The following EPB41 variants were observed in gnomAD, a reference collection of about 807,000 sequenced individuals.
The protein encoded by EPB41 is erythrocyte membrane protein band 4.1, also known as protein 4.1.
In EPB41, 65 loss-of-function variants were observed where a neutral mutation model predicts 108.0. That is an observed-to-expected ratio of 0.60 (90% confidence interval 0.49 to 0.74). The LOEUF is 0.74. Ranked by LOEUF, EPB41 falls within the 30% of genes least tolerant of loss-of-function variation. The pLI is 0.00. For synonymous variants in EPB41, 336 were observed against 358.9 expected (o/e 0.94, Z 0.72); for missense variants, 875 against 1,037.0 (o/e 0.84, Z 2.15).
intron 16 of EPB41, among the ~76,000 whole-genome samples, chr1:29,081,601 C>A (rs1023679978): frequency 1.3e-5 from 2 of 152,140 alleles, no homozygotes; most frequent in African/African-American, 4.8e-5. Context: ...TTTGGGAGGC[C>A]GAACTGGGTG....
intron 1 of EPB41, among the ~76,000 whole-genome samples, chr1:28,986,732 C>A (rs2149511079): frequency 6.6e-6 from 1 of 151,810 alleles, no homozygotes; most frequent in Admixed American, 6.6e-5. Flanking sequence ...GAGTTCGAGA[C>A]CTGCCTGGGC....
Position 29,052,744 on chromosome 1 carries a change from A to G in EPB41, c.1637-360A>G, listed in dbSNP as rs187971049. Among the ~76,000 whole-genome samples, 231 of 152,310 alleles carry G rather than the reference A, an allele frequency of 1.5e-3. 1 individual carries two copies. Among genetic ancestry groups the G allele is most frequent in the Admixed American group, 3.1e-3 (47 of 15,282 alleles). ...TAAAATGCCTCATGGAAGAAATCACATTTAGTTAACCCTTTTTTTCCTGCC... is the reference window on the plus strand; with the variant it reads ...TAAAATGCCTCATGGAAGAAATCACGTTTAGTTAACCCTTTTTTTCCTGCC... On this transcript the variant is annotated intron_variant, in intron 11 of 20. Coordinates refer to ENST00000343067, the MANE Select transcript of EPB41 (RefSeq NM_001376013.1).
chr1:29,069,513 C>A, intron 16 of EPB41: 1 of 1,066,708 alleles, frequency 9.4e-7, no homozygotes, highest in Non-Finnish European at 1.2e-6. Context: ...TTTTCTTTTG[C>A]AATCTTTAAA....
chr1:29,002,031 T>G (rs1256402254), intron 4 of EPB41, among the ~76,000 whole-genome samples: 2 of 152,220 alleles, frequency 1.3e-5, no homozygotes, highest in Non-Finnish European at 2.9e-5. Flanking sequence ...AGTTGCAAGT[T>G]AGATAAGTTA....
intron 11 of EPB41, among the ~76,000 whole-genome samples, chr1:29,043,960 G>A (rs1445604956): frequency 2.0e-5 from 3 of 152,182 alleles, no homozygotes; most frequent in Non-Finnish European, 2.9e-5. Context: ...AAGTTTTATT[G>A]CTTGGCTTAA....
At chr1:29,058,670 C>T in intron 13 of EPB41, 25 bp downstream of exon 13, 1 of 1,608,352 alleles carries the variant, frequency 6.2e-7, no homozygotes, top group Non-Finnish European at 8.5e-7. Context: ...GCCACTTGTT[C>T]CTCTTTCCCT....
intron 17 of EPB41, among the ~76,000 whole-genome samples, chr1:29,100,993 G>A (rs1202220471): frequency 2.0e-5 from 3 of 151,586 alleles, no homozygotes; most frequent in African/African-American, 7.3e-5. Context: ...GGGAGGCCGT[G>A]GTGGGTGGAT....
intron 1 of EPB41, among the ~76,000 whole-genome samples, chr1:28,971,806 T>G (rs891695400): frequency 6.6e-6 from 1 of 152,158 alleles, no homozygotes; most frequent in African/African-American, 2.4e-5. Context: ...CAATAACGAC[T>G]CAATTATGGT....
chr1:28,957,784 T>C (rs1397330675), intron 1 of EPB41, among the ~76,000 whole-genome samples: 2 of 152,132 alleles, frequency 1.3e-5, no homozygotes. Flanking sequence ...GGGGAAAAAA[T>C]CAATTTCAGT....
At chr1:28,899,949 C>G (rs192388293) in intron 1 of EPB41, among the ~76,000 whole-genome samples, 238 of 152,252 alleles carry the variant, frequency 1.6e-3, no homozygotes, top group Non-Finnish European at 2.5e-3. Context: ...AGTTTTTTCC[C>G]CTATAACGTG....
intron 2 of EPB41, among the ~76,000 whole-genome samples, chr1:28,992,503 G>A (rs1360272466): frequency 2.0e-5 from 3 of 152,062 alleles, no homozygotes; most frequent in South Asian, 2.1e-4. Context: ...CCTGGCTAAC[G>A]TGGTGAAACC....
At chr1:29,043,465 G>A (rs1457892068) in intron 11 of EPB41, among the ~76,000 whole-genome samples, 1 of 152,234 alleles carries the variant, frequency 6.6e-6, no homozygotes, top group Non-Finnish European at 1.5e-5. Flanking sequence ...ATCCAGTTCA[G>A]CAGCCAATAG....
chr1:28,935,083 T>C (rs1479773368), intron 1 of EPB41, among the ~76,000 whole-genome samples: 2 of 151,380 alleles, frequency 1.3e-5, no homozygotes, highest in Non-Finnish European at 2.9e-5. Context: ...CTGTACTCTA[T>C]CCTGGTTGAC....
chr1:28,934,666 T>TTTGTGTGTGTGTGTGTGTGTGTGTG (rs1553174370), intron 1 of EPB41, among the ~76,000 whole-genome samples: 3 of 136,400 alleles, frequency 2.2e-5, no homozygotes, highest in East Asian at 2.1e-4. Flanking sequence ...TCTTTTGACA[T>TTTGTGTGTGTGTGTGTGTGTGTGTG]TGTGTGTGTG....
chr1:29,079,393 GTGTC>G lies in EPB41; in HGVS notation c.2184+14236_2184+14239del, dbSNP rs1655457720. Among the ~76,000 whole-genome samples the G allele has an allele frequency of 2.0e-5, 3 of 151,688 alleles. No individual in the cohort carries two copies. In the South Asian group the frequency reaches 6.2e-4, roughly 32 times the overall value. On this transcript the variant is annotated intron_variant, in intron 16 of 20. Transcript: ENST00000343067. ...GGTATCTACAGAAAACGTCTTAGAAGTGTCCCTCTTTCTAATTATTACCTTTTTT... is the reference window on the plus strand; with the variant it reads ...GGTATCTACAGAAAACGTCTTAGAAGCCTCTTTCTAATTATTACCTTTTTT...
At position 28,987,775 on chromosome 1, in the gene EPB41, A is replaced by G. The variant is rs201345838; in HGVS notation, c.338A>G (p.Gln113Arg). ...GATAAAGAAAAAGGTGAAGGAGGTCAGAAAGAGATAGAATTTGGAACCAGT... is the reference window on the plus strand; with the variant it reads ...GATAAAGAAAAAGGTGAAGGAGGTCGGAAAGAGATAGAATTTGGAACCAGT... ...ESDKEKGEGGQKEIEFGTSLD... is the reference protein window; with the variant it reads ...ESDKEKGEGGRKEIEFGTSLD... Residue 113 changes from glutamine (Q) to arginine (R), a missense_variant, in exon 2 of 21, where the codon CAG (glutamine) becomes CGG (arginine). Gln to Arg is a conservative substitution (Grantham distance 43). Around this residue, in one of 3 missense-constraint regions of EPB41, gnomAD observed 353 missense variants for 393.2 expected, o/e 0.90. Coordinates refer to ENST00000343067, the MANE Select transcript of EPB41 (RefSeq NM_001376013.1). 5.6e-6 allele frequency: 9 copies of G among 1,614,218 alleles called. No individual in the cohort carries two copies. The Admixed American group carries it at 1.3e-4, about 24-fold the overall frequency.
chr1:28,946,358 T>G (rs931245836), intron 1 of EPB41, among the ~76,000 whole-genome samples: 12 of 152,160 alleles, frequency 7.9e-5, no homozygotes, highest in Admixed American at 1.3e-4. Context: ...CCACCTGCCT[T>G]GGCCTCCCAA....
chr1:29,104,390 A>G (rs1238493011), intron 17 of EPB41, among the ~76,000 whole-genome samples: 2 of 152,110 alleles, frequency 1.3e-5, no homozygotes, highest in Admixed American at 6.6e-5. Flanking sequence ...TTATGTGTGT[A>G]TATGGGTGTG....
At chr1:28,957,154 A>G (rs2094985884) in intron 1 of EPB41, among the ~76,000 whole-genome samples, 2 of 152,264 alleles carry the variant, frequency 1.3e-5, no homozygotes. Flanking sequence ...TATGGCTAAC[A>G]TCTGTCAGAT....
Sources: gnomAD v4.1 joint callset for allele counts (sites outside exome capture counted in the v4.1 genomes callset) on GRCh38, gnomAD v4.1.1 for gene constraint, gnomAD v4.1.1 regional missense constraint, MANE v1.5 for transcripts, NCBI Gene and HGNC (gene_info 2026-07-23, HGNC 2026-07-21) for gene names.